The following SLC66A2 variants were observed in gnomAD, a reference collection of about 807,000 sequenced individuals.
SLC66A2 encodes the protein PQ loop repeat containing 1.
SLC66A2 carries 23 observed loss-of-function variants against 25.5 expected under a neutral mutation model. The ratio of observed to expected loss-of-function variants is 0.90; its 90% CI spans 0.65 to 1.28. The LOEUF (loss-of-function observed/expected upper bound fraction) is 1.28. Ranked by LOEUF, SLC66A2 falls within the 50% of genes most tolerant of loss-of-function variation. The probability of loss-of-function intolerance (pLI) is 0.00; values close to 1 mark genes in which losing one functional copy is unlikely to be tolerated. For synonymous variants in SLC66A2, 193 were observed against 166.5 expected, an observed-to-expected ratio of 1.16 and a Z score of -1.23; for missense variants, 396 against 373.1, an observed-to-expected ratio of 1.06 and a Z score of -0.51.
At chr18:79,928,460 A>G (rs927019634) in intron 4 of SLC66A2, among the ~76,000 whole-genome samples, 3 of 152,216 alleles carry the variant, frequency 2.0e-5, no homozygotes, top group African/African-American at 7.2e-5. Context: ...AGGCTCTTCC[A>G]GAACAGCAGT....
rs62101190 is a variant in SLC66A2 at position 79,918,515 on chromosome 18, G to A, written c.608+669C>T. Among the ~76,000 whole-genome samples, 19,569 of 151,696 alleles carry A rather than the reference G, an allele frequency of 0.13. 1,346 individuals carry two copies. The highest frequency in any genetic ancestry group is 0.17 in the Middle Eastern group (49 of 294). On this transcript the variant is annotated intron_variant, in intron 5 of 5. Coordinates refer to ENST00000397778, the MANE Select transcript of SLC66A2 (RefSeq NM_025078.5). The surrounding 1 kb of genome is among the most constrained non-coding windows in gnomAD (Gnocchi z 4.0). Reference sequence around the variant, plus strand: ...CCAGTGAGGAGCGGGCCTGGGGGTCGAAAGTGTGAGGGACTAGAGTTTTCT... The same window carrying A: ...CCAGTGAGGAGCGGGCCTGGGGGTCAAAAGTGTGAGGGACTAGAGTTTTCT...
chr18:79,908,358 G>A (rs1305733162), intron 5 of SLC66A2, among the ~76,000 whole-genome samples: 8 of 151,216 alleles, frequency 5.3e-5, no homozygotes, highest in East Asian at 1.9e-4. Flanking sequence ...TGGGTCAAAC[G>A]TTCTTTTCTT....
chr18:79,948,786 C>G (rs1169798751), intron 2 of SLC66A2, among the ~76,000 whole-genome samples: 16 of 152,200 alleles, frequency 1.1e-4, no homozygotes, highest in African/African-American at 2.9e-4. Context: ...ACCCTGAAGA[C>G]GAGTGCAGCG....
chr18:79,906,166 T>C (rs1284077712), intron 5 of SLC66A2, among the ~76,000 whole-genome samples: 1 of 152,254 alleles, frequency 6.6e-6, no homozygotes, highest in East Asian at 1.9e-4. Flanking sequence ...CACTGGTTTA[T>C]CAGTTAATGA....
intron 1 of SLC66A2, among the ~76,000 whole-genome samples, chr18:79,951,239 G>A (rs1311838473): frequency 1.3e-5 from 2 of 151,894 alleles, no homozygotes; most frequent in South Asian, 2.1e-4. Flanking sequence ...CCAGCGCCGG[G>A]GTCGAGGACG....
chr18:79,950,854 TGGCCGC>T lies in SLC66A2; in HGVS notation c.67_72del (p.Ala23_Ala24del). 1 of 1,610,434 alleles carries T rather than the reference TGGCCGC, an allele frequency of 6.2e-7. No homozygotes were observed. Among genetic ancestry groups the T allele is most frequent in the Non-Finnish European group, 8.5e-7 (1 of 1,178,980 alleles). ...TAGGGCACCACCCCTCCGAAGACCA[TGGCCGC>T]GGCCGCGCCCCAGGACACCAGCTGG... On this transcript the variant is annotated inframe_deletion, in exon 2 of 6. Coordinates refer to ENST00000397778, the MANE Select transcript of SLC66A2 (RefSeq NM_025078.5).
Position 79,920,257 on chromosome 18 carries a change from G to A in SLC66A2, c.392-857C>T, listed in dbSNP as rs200604505. The stretch of plus-strand genomic sequence containing the variant: ...AGAGACGGAACCGAGGGAGAGGTCA[G>A]GGTCAGTGAGGAGAGACAGGAACCG... On this transcript the variant is annotated intron_variant, in intron 4 of 5. Coordinates refer to ENST00000397778, the MANE Select transcript of SLC66A2 (RefSeq NM_025078.5). Among the ~76,000 whole-genome samples the A allele has an allele frequency of 2.7e-3, 19 of 7,006 alleles. 1 individual carries two copies. Among genetic ancestry groups the A allele is most frequent in the Non-Finnish European group, 0.016 (3 of 186 alleles). The allele number at this position is 7,006 out of a possible 152,430, so 4.6% of individuals were successfully genotyped here. A position where few individuals can be genotyped will look rare whatever the true frequency, so the allele number is the denominator to read the frequency against.
At chr18:79,914,320 C>T (rs1365604110) in intron 5 of SLC66A2, among the ~76,000 whole-genome samples, 1 of 152,264 alleles carries the variant, frequency 6.6e-6, no homozygotes, top group Non-Finnish European at 1.5e-5. Context: ...ATCAAACCTG[C>T]ATTCAGAAAC....
At chr18:79,925,493 G>T (rs990668542) in intron 4 of SLC66A2, among the ~76,000 whole-genome samples, 1 of 152,194 alleles carries the variant, frequency 6.6e-6, no homozygotes, top group African/African-American at 2.4e-5. Flanking sequence ...TCCAGGCTTG[G>T]GGGGCTCACC....
At chr18:79,936,065 C>T (rs982629213) in intron 3 of SLC66A2, among the ~76,000 whole-genome samples, 1 of 152,220 alleles carries the variant, frequency 6.6e-6, no homozygotes, top group Non-Finnish European at 1.5e-5. Context: ...CTGGCTGGGC[C>T]ACAGAGGCCA....
intron 5 of SLC66A2, among the ~76,000 whole-genome samples, chr18:79,911,353 A>C (rs1025231819): frequency 6.6e-6 from 1 of 152,230 alleles, no homozygotes; most frequent in African/African-American, 2.4e-5. Flanking sequence ...CCCCGTGAGG[A>C]TTCCGCAGTG....
intron 3 of SLC66A2, among the ~76,000 whole-genome samples, chr18:79,939,313 T>A (rs1599636651): frequency 6.6e-6 from 1 of 152,214 alleles, no homozygotes; most frequent in African/African-American, 2.4e-5. Flanking sequence ...TCAAGGCCCA[T>A]GATCCCCCTT....
In SLC66A2 at chr18:79,919,250, G is replaced by T; in HGVS notation, c.542C>A (p.Thr181Asn). The T allele has an allele frequency of 1.2e-6, 2 of 1,613,284 alleles. No homozygotes were observed. The highest frequency in any genetic ancestry group is 1.7e-6 in the Non-Finnish European group (2 of 1,180,018). ...CTGGGGCACACCCAGCATGGCTTCGGTCAGCACAGCCAGGAAGCCCAGGGT... is the reference window on the plus strand; with the variant it reads ...CTGGGGCACACCCAGCATGGCTTCGTTCAGCACAGCCAGGAAGCCCAGGGT... The part of the protein sequence containing the change: ...VETLGFLAVL[T>N]EAMLGVPQLY... The change falls in exon 5 of 6, where the codon ACC (threonine) becomes AAC (asparagine). Residue 181 changes from threonine (T) to asparagine (N), a missense_variant. Thr to Asn is a moderately conservative substitution (Grantham distance 65). Coordinates refer to ENST00000397778, the MANE Select transcript of SLC66A2 (RefSeq NM_025078.5).
At chr18:79,916,106 AGT>A (rs1568301844) in intron 5 of SLC66A2, 1 of 159,338 alleles carries the variant, frequency 6.3e-6, no homozygotes, top group African/African-American at 3.5e-5. Flanking sequence ...TCATACCCGC[AGT>A]GCTCCCGTAC....
At chr18:79,938,143 C>A (rs1987289280) in intron 3 of SLC66A2, among the ~76,000 whole-genome samples, 1 of 27,436 alleles carries the variant, frequency 3.6e-5, no homozygotes, top group African/African-American at 4.6e-5. Context: ...GAGACCCTGT[C>A]TCAAAAAAAA....
intron 4 of SLC66A2, among the ~76,000 whole-genome samples, chr18:79,926,813 T>G (rs905015009): frequency 2.6e-5 from 4 of 152,180 alleles, no homozygotes; most frequent in African/African-American, 9.7e-5. Flanking sequence ...GAATGACTTC[T>G]TAAATGAGTG....
Position 79,950,839 on chromosome 18 carries a change from C to A in SLC66A2, c.88G>T (p.Val30Leu), listed in dbSNP as rs765957443. The change falls in exon 2 of 6, where the codon GTG becomes TTG. Residue 30 changes from valine (V) to leucine (L), a missense_variant. Physicochemically the swap from Val to Leu is conservative, Grantham distance 32 (BLOSUM62 1). Coordinates refer to ENST00000397778, the MANE Select transcript of SLC66A2 (RefSeq NM_025078.5). Reference sequence around the variant, plus strand: ...CGATACTGCGGGACGTAGGGCACCACCCCTCCGAAGACCATGGCCGCGGCC... The same window carrying A: ...CGATACTGCGGGACGTAGGGCACCAACCCTCCGAAGACCATGGCCGCGGCC... ...GAAAAMVFGG[V>L]VPYVPQYRDI... 4 of 1,612,198 alleles carry A rather than the reference C, an allele frequency of 2.5e-6. No individual in the cohort carries two copies. The highest frequency in any genetic ancestry group is 1.1e-5 in the South Asian group (1 of 90,970).
intron 4 of SLC66A2, among the ~76,000 whole-genome samples, chr18:79,925,784 G>A (rs1197765507): frequency 6.6e-6 from 1 of 152,230 alleles, no homozygotes; most frequent in Non-Finnish European, 1.5e-5. Flanking sequence ...GAGAGAGCCT[G>A]GTGTAAGAGG....
chr18:79,943,471 G>C lies in SLC66A2; in HGVS notation c.204-9C>G. The C allele has an allele frequency of 6.2e-7, 1 of 1,612,506 alleles. No individual in the cohort carries two copies. On this transcript the variant is annotated splice_polypyrimidine_tract_variant and intron_variant, in intron 2 of 5. Transcript: ENST00000397778. ...CAAAGCGCCTTCCAAACCTGCGGGA[G>C]AGACACTGTGTCAGGAGGGAGGTCC...
Sources: allele counts gnomAD v4.1 joint callset (sites outside exome capture counted in the v4.1 genomes callset), GRCh38; gene constraint gnomAD v4.1.1; non-coding constraint Gnocchi (gnomAD v3.1); transcripts MANE v1.5; gene names NCBI Gene and HGNC (gene_info 2026-07-23, HGNC 2026-07-21).